Variants in CASTOR2 observed in about 807,000 individuals in gnomAD.
CASTOR2 encodes GATS protein like 2.
A neutral mutation model predicts 31.2 loss-of-function variants in CASTOR2; 8 were observed. The ratio of observed to expected loss-of-function variants is 0.26; its 90% CI spans 0.15 to 0.46. The LOEUF is 0.46. Ranked by LOEUF, CASTOR2 falls within the 20% of genes least tolerant of loss-of-function variation. CASTOR2 has a pLI of 0.99. For missense variants in CASTOR2, 216 were observed against 382.1 expected (o/e 0.57, Z 3.62); for synonymous variants, 162 against 158.7 (o/e 1.02, Z -0.16).
intron 1 of CASTOR2, among the ~76,000 whole-genome samples, chr7:74,983,434 G>A (rs1385702605): frequency 2.0e-5 from 3 of 147,194 alleles, no homozygotes; most frequent in Non-Finnish European, 4.5e-5. Flanking sequence ...CAGCCCGTCA[G>A]TCCAAATTAG....
chr7:75,022,258 A>G (rs1208829109), intron 7 of CASTOR2, among the ~76,000 whole-genome samples: 2 of 152,032 alleles, frequency 1.3e-5, no homozygotes, highest in Admixed American at 1.3e-4. Flanking sequence ...TAATCCCAGC[A>G]CTTTGGGAGG....
intron 6 of CASTOR2, among the ~76,000 whole-genome samples, chr7:75,021,129 C>T (rs1804991765): frequency 6.6e-6 from 1 of 152,142 alleles, no homozygotes; most frequent in African/African-American, 2.4e-5. Flanking sequence ...GTAGCTGGAA[C>T]TACAGGCGCA....
At chr7:75,020,982 A>AT (rs1157880718) in intron 6 of CASTOR2, among the ~76,000 whole-genome samples, 12 of 148,994 alleles carry the variant, frequency 8.1e-5, no homozygotes, top group Middle Eastern at 3.4e-3. Context: ...TTTTTATTTT[A>AT]TTTTTTTTTA....
Position 75,030,215 on chromosome 7 carries a change from G to A in CASTOR2, c.*5516G>A, listed in dbSNP as rs1388760614. On this transcript the variant is annotated 3_prime_UTR_variant, in exon 9 of 9. Coordinates refer to ENST00000616305, the MANE Select transcript of CASTOR2 (RefSeq NM_001145064.3). ...CAGGCCTAGGTGTGTTTATGCACACGTTTGTGCATGTACCTGTGAGCGTGG... is the reference window on the plus strand; with the variant it reads ...CAGGCCTAGGTGTGTTTATGCACACATTTGTGCATGTACCTGTGAGCGTGG... Among the ~76,000 whole-genome samples the A allele has an allele frequency of 2.6e-5, 4 of 152,220 alleles. No individual in the cohort carries two copies. The highest frequency in any genetic ancestry group is 4.4e-5 in the Non-Finnish European group (3 of 68,034).
At chr7:75,019,889 C>A (rs1450139618) in intron 5 of CASTOR2, 150 bp from the exon 6 acceptor site, 1 of 689,742 alleles carries the variant, frequency 1.4e-6, no homozygotes, top group Non-Finnish European at 2.5e-6. Context: ...GAAATCATCC[C>A]CGTGGCATAG....
intron 2 of CASTOR2, among the ~76,000 whole-genome samples, chr7:75,015,520 C>T (rs1167609241): frequency 6.6e-6 from 1 of 152,148 alleles, no homozygotes; most frequent in Non-Finnish European, 1.5e-5. Flanking sequence ...TCAAGCGATC[C>T]TCCTACCTTG....
chr7:75,028,226 G>T lies in CASTOR2; in HGVS notation c.*3527G>T. On this transcript the variant is annotated 3_prime_UTR_variant, in exon 9 of 9. Transcript: ENST00000616305. ...ACCTCCACTTCCTGGGTTCAAGCGA[G>T]TCTCCTACATTGGCCTCCCAAGTAG... The T allele has an allele frequency of 4.0e-6, 3 of 742,252 alleles. No individual in the cohort carries two copies. The highest frequency in any genetic ancestry group is 6.3e-6 in the Non-Finnish European group (3 of 473,172). 46.0% of individuals were successfully genotyped at this position (742,252 alleles called of 1,614,324 possible). A position where few individuals can be genotyped will look rare whatever the true frequency, so the allele number is the denominator to read the frequency against.
At chr7:75,003,900 C>T (rs1804552317) in intron 1 of CASTOR2, among the ~76,000 whole-genome samples, 1 of 152,140 alleles carries the variant, frequency 6.6e-6, no homozygotes, top group South Asian at 2.1e-4. Context: ...GGTGCACATT[C>T]CGAGATGTCC....
chr7:74,999,245 C>T (rs1243336136), intron 1 of CASTOR2, among the ~76,000 whole-genome samples: 6 of 152,044 alleles, frequency 3.9e-5, no homozygotes, highest in African/African-American at 1.4e-4. Flanking sequence ...CTCCTGACCT[C>T]GTGATCCACC....
At chr7:75,010,046 G>T (rs1349519166) in intron 2 of CASTOR2, among the ~76,000 whole-genome samples, 1 of 151,946 alleles carries the variant, frequency 6.6e-6, no homozygotes, top group Non-Finnish European at 1.5e-5. Context: ...GAGAGTAGAG[G>T]CGTGTACTGC....
chr7:74,976,531 TCTCCTCCTCCTCCTCCTC>T (rs369879917), intron 1 of CASTOR2, among the ~76,000 whole-genome samples: 41 of 118,838 alleles, frequency 3.5e-4, no homozygotes, highest in Non-Finnish European at 6.3e-4. Context: ...TGAGACCCTG[TCTCCTCCTCCTCCTCCTC>T]CTCCTCCTCC....
At chr7:75,006,810 CCTT>C (rs1804615554) in intron 1 of CASTOR2, among the ~76,000 whole-genome samples, 1 of 152,116 alleles carries the variant, frequency 6.6e-6, no homozygotes, top group Non-Finnish European at 1.5e-5. Flanking sequence ...TGCCTTAGCT[CCTT>C]CTTTGCCTTC....
chr7:75,005,307 C>G (rs1298609813), intron 1 of CASTOR2, among the ~76,000 whole-genome samples: 1 of 152,172 alleles, frequency 6.6e-6, no homozygotes, highest in African/African-American at 2.4e-5. Context: ...TATAGTTTGG[C>G]CTCTCCAGAA....
In CASTOR2 at chr7:75,025,951, C is replaced by A. The variant is rs1182610173; in HGVS notation, c.*1252C>A. 3.9e-5 allele frequency among the ~76,000 whole-genome samples: 6 copies of A among 152,158 alleles called. No homozygotes were observed. Among genetic ancestry groups the A allele is most frequent in the Non-Finnish European group, 7.3e-5 (5 of 68,046 alleles). On this transcript the variant is annotated 3_prime_UTR_variant, in exon 9 of 9. Transcript: ENST00000616305. ...GGAAGCTAGGAGCAGAGATCTGTTA[C>A]AAGACGCTGGAGCCGCTGGCACCCC...
chr7:75,015,474 C>G (rs1202341307), intron 2 of CASTOR2, among the ~76,000 whole-genome samples: 2 of 152,018 alleles, frequency 1.3e-5, no homozygotes, highest in African/African-American at 4.8e-5. Context: ...GATGGGGTCT[C>G]GCTACGTTCT....
rs1805263279 is a variant in CASTOR2, at chr7:75,030,222, C to G, written c.*5523C>G. 6.6e-6 allele frequency among the ~76,000 whole-genome samples: 1 copy of G among 152,302 alleles called. No homozygotes were observed. Among genetic ancestry groups the G allele is most frequent in the East Asian group, 1.9e-4 (1 of 5,184 alleles). ...AGGTGTGTTTATGCACACGTTTGTG[C>G]ATGTACCTGTGAGCGTGGATGTGTT... On this transcript the variant is annotated 3_prime_UTR_variant, in exon 9 of 9. Transcript: ENST00000616305.
rs368046086 is a variant in CASTOR2 at position 74,991,377 on chromosome 7, G to T, written c.114-16617G>T. Among the ~76,000 whole-genome samples the T allele has an allele frequency of 6.6e-4, 101 of 152,248 alleles. No homozygotes were observed. In the East Asian group the frequency reaches 0.014, roughly 22 times the overall value. The stretch of plus-strand genomic sequence containing the variant: ...GGGCCAAGGTTCCATAGTGAGCAGG[G>T]GATGCCCTGTCTGCCTGGCACACCA... On this transcript the variant is annotated intron_variant, in intron 1 of 8. Transcript: ENST00000616305.
In CASTOR2 at chr7:75,030,942, C is replaced by A. The variant is rs1334942275; in HGVS notation, c.*6243C>A. ...AAGAAGGTCCAGAAGAATTGGAGAC[C>A]CCTGCCCCTCACCCAAACTTTGGAG... On this transcript the variant is annotated 3_prime_UTR_variant, in exon 9 of 9. Coordinates refer to ENST00000616305, the MANE Select transcript of CASTOR2 (RefSeq NM_001145064.3). 1.3e-5 allele frequency among the ~76,000 whole-genome samples: 2 copies of A among 152,122 alleles called. No individual in the cohort carries two copies. Among genetic ancestry groups the A allele is most frequent in the Admixed American group, 1.3e-4 (2 of 15,284 alleles).
intron 1 of CASTOR2, among the ~76,000 whole-genome samples, chr7:74,997,667 CTGCT>C (rs1804384430): frequency 6.6e-6 from 1 of 151,694 alleles, no homozygotes; most frequent in South Asian, 2.1e-4. Flanking sequence ...CTCAAGTGAT[CTGCT>C]TGCCTTGGCC....
Sources: gnomAD v4.1 joint callset for allele counts (sites outside exome capture counted in the v4.1 genomes callset) on GRCh38, gnomAD v4.1.1 for gene constraint, MANE v1.5 for transcripts, NCBI Gene and HGNC (gene_info 2026-07-23, HGNC 2026-07-21) for gene names.